Variants in VPS26C observed in about 807,000 individuals in gnomAD.
The protein encoded by VPS26C is vacuolar protein sorting-associated protein 26C.
VPS26C carries 19 observed loss-of-function variants against 30.6 expected under a neutral mutation model. That is an observed-to-expected ratio of 0.62 (90% confidence interval 0.43 to 0.91). The LOEUF (loss-of-function observed/expected upper bound fraction) is 0.91. Ranked by LOEUF, VPS26C falls within the 40% of genes least tolerant of loss-of-function variation. The pLI, the probability that VPS26C is intolerant of heterozygous loss-of-function variation, is 0.00. For synonymous variants in VPS26C, 132 were observed against 151.5 expected (o/e 0.87, Z 0.95); for missense variants, 318 against 385.1 (o/e 0.83, Z 1.46).
intron 3 of VPS26C, among the ~76,000 whole-genome samples, chr21:37,235,725 G>C (rs1022459457): frequency 6.6e-6 from 1 of 151,582 alleles, no homozygotes; most frequent in South Asian, 2.1e-4. Flanking sequence ...AAACATGAAC[G>C]CAACATGACT....
Position 37,232,470 on chromosome 21 carries a change from C to A in VPS26C, c.433-19G>T. 6.2e-7 allele frequency: 1 copy of A among 1,608,826 alleles called. No homozygotes were observed. On this transcript the variant is annotated intron_variant, in intron 4 of 7. Transcript: ENST00000309117. Reference sequence around the variant, plus strand: ...TCTGAGGCTAAAACGAGAGGTGAAACCGAAATCAGTAGGTGAAGGCCAAGA... The same window carrying A: ...TCTGAGGCTAAAACGAGAGGTGAAAACGAAATCAGTAGGTGAAGGCCAAGA...
At chr21:37,240,845 T>G (rs950874829) in intron 1 of VPS26C, among the ~76,000 whole-genome samples, 1 of 152,204 alleles carries the variant, frequency 6.6e-6, no homozygotes, top group African/African-American at 2.4e-5. Context: ...TGGACACACC[T>G]GACGGGGAGC....
upstream of VPS26C, chr21:37,267,381 G>T (rs1212994678): frequency 4.1e-6 from 5 of 1,231,086 alleles, no homozygotes; most frequent in Non-Finnish European, 5.9e-6. Context: ...TCTGGGCCCC[G>T]CCCCTTTCCC....
intron 1 of VPS26C, among the ~76,000 whole-genome samples, chr21:37,254,985 T>A (rs1358166233): frequency 1.3e-5 from 2 of 152,132 alleles, no homozygotes; most frequent in African/African-American, 4.8e-5. Flanking sequence ...GCAGAGAATG[T>A]CATGTGGTTA....
chr21:37,265,503 G>C (rs2086349319), intron 1 of VPS26C, among the ~76,000 whole-genome samples: 1 of 152,018 alleles, frequency 6.6e-6, no homozygotes, highest in Non-Finnish European at 1.5e-5. Flanking sequence ...TATTACACTG[G>C]AGAAATTCAA....
Position 37,262,766 on chromosome 21 carries a change from T to TG in VPS26C, c.57+4471_57+4472insC, listed in dbSNP as rs1455913049. ...CATTTTACCTTCTTCTGTAGCACGT[T>TG]AATTTTTTTTTTTTTTTTTGAGACA... is the stretch of plus-strand genomic sequence containing the variant. On this transcript the variant is annotated intron_variant, in intron 1 of 7. Transcript: ENST00000309117. Among the ~76,000 whole-genome samples, 1,330 of 150,892 alleles carry TG rather than the reference T, an allele frequency of 8.8e-3. 17 individuals are homozygous for TG. Among genetic ancestry groups the TG allele is most frequent in the African/African-American group, 0.031 (1,252 of 40,672 alleles).
chr21:37,247,704 A>T (rs2086151060), intron 1 of VPS26C, among the ~76,000 whole-genome samples: 1 of 152,220 alleles, frequency 6.6e-6, no homozygotes, highest in Non-Finnish European at 1.5e-5. Context: ...TATGACAGAG[A>T]AGCACCTAAA....
At chr21:37,267,636 G>C (rs1390370895), upstream of VPS26C, 3 of 322,656 alleles carry the variant, frequency 9.3e-6, no homozygotes, top group African/African-American at 2.2e-5. Context: ...AGCGGAGGGA[G>C]GGAGGAACGG....
chr21:37,225,766 G>A (rs1266408827), intron 7 of VPS26C, 140 bp from the exon 8 acceptor site: 1 of 676,094 alleles, frequency 1.5e-6, no homozygotes, highest in Non-Finnish European at 2.6e-6. Context: ...TCCCCTCAGC[G>A]CCACCCTGAC....
At chr21:37,246,057 A>G (rs1159311381) in intron 1 of VPS26C, among the ~76,000 whole-genome samples, 1 of 152,160 alleles carries the variant, frequency 6.6e-6, no homozygotes, top group Non-Finnish European at 1.5e-5. Flanking sequence ...GACAGGTAAC[A>G]AACACACAGC....
rs1191778974 is a variant in VPS26C, at chr21:37,238,555, T to C, written c.256A>G (p.Ser86Gly). The part of the protein sequence containing the change: ...IEMVKPGKFP[S>G]GKTEIPFEFP... ...TCAAAAGGGATTTCTGTTTTGCCGC[T>C]GGGAAATTTCCCCGGCTTCACCATT... is the stretch of plus-strand genomic sequence containing the variant. Residue 86 changes from serine (S) to glycine (G), a missense_variant, in exon 3 of 8, where the codon AGC becomes GGC. Transcript: ENST00000309117. 6.2e-7 allele frequency: 1 copy of C among 1,614,226 alleles called. No individual in the cohort carries two copies. Among genetic ancestry groups the C allele is most frequent in the East Asian group, 2.2e-5 (1 of 44,878 alleles).
intron 1 of VPS26C, among the ~76,000 whole-genome samples, chr21:37,264,320 C>T (rs1440706255): frequency 6.6e-6 from 1 of 152,166 alleles, no homozygotes; most frequent in Non-Finnish European, 1.5e-5. Context: ...AGATGCTGTT[C>T]CTTATACTAG....
At chr21:37,232,269 C>T (rs2835680) in intron 5 of VPS26C, 108 bp downstream of exon 5, 266,221 of 861,226 alleles carry the variant, frequency 0.31, 44,480 homozygotes, top group East Asian at 0.49. Flanking sequence ...AAATCTCTGC[C>T]GGCTGATGAC....
chr21:37,242,539 A>G (rs2086098017), intron 1 of VPS26C, among the ~76,000 whole-genome samples: 1 of 152,180 alleles, frequency 6.6e-6, no homozygotes, highest in Non-Finnish European at 1.5e-5. Flanking sequence ...TGAGCCATGA[A>G]TGAGCCACTG....
intron 1 of VPS26C, among the ~76,000 whole-genome samples, chr21:37,264,363 A>C (rs951784200): frequency 2.0e-5 from 3 of 151,958 alleles, no homozygotes; most frequent in Non-Finnish European, 2.9e-5. Context: ...GACAGAGCTG[A>C]CTCTGTCTTC....
At chr21:37,249,778 G>C (rs1330961073) in intron 1 of VPS26C, among the ~76,000 whole-genome samples, 2 of 152,178 alleles carry the variant, frequency 1.3e-5, no homozygotes, top group Non-Finnish European at 1.5e-5. Context: ...AATCTGAAAA[G>C]AAGGAAATTG....
At chr21:37,252,354 T>C (rs937593184) in intron 1 of VPS26C, among the ~76,000 whole-genome samples, 15 of 152,212 alleles carry the variant, frequency 9.9e-5, no homozygotes, top group African/African-American at 3.6e-4. Context: ...TGTAACTGTT[T>C]CCATCTTGTC....
intron 1 of VPS26C, chr21:37,261,376 T>C (rs577021588): frequency 2.8e-4 from 42 of 152,322 alleles, no homozygotes; most frequent in African/African-American, 1.0e-3. Flanking sequence ...CATTCCCCAA[T>C]GTTTCTTTTA....
intron 5 of VPS26C, 47 bp from the exon 6 acceptor site, chr21:37,228,420 A>G: frequency 1.2e-6 from 2 of 1,602,496 alleles, no homozygotes; most frequent in Non-Finnish European, 1.7e-6. Flanking sequence ...GCAAGGGGGG[A>G]AAGTGCTCCA....
Sources: allele counts gnomAD v4.1 joint callset (sites outside exome capture counted in the v4.1 genomes callset), GRCh38; gene constraint gnomAD v4.1.1; transcripts MANE v1.5; gene names NCBI Gene and HGNC (gene_info 2026-07-23, HGNC 2026-07-21).